BCKDHB: variants seen among roughly 807,000 people sequenced by gnomAD.
BCKDHB encodes the protein branched chain keto acid dehydrogenase E1 subunit beta, also known as 2-oxoisovalerate dehydrogenase subunit beta, mitochondrial.
In BCKDHB, 41 loss-of-function variants were observed where a neutral mutation model predicts 48.5. The ratio of observed to expected loss-of-function variants is 0.85; its 90% CI spans 0.66 to 1.10. The LOEUF is 1.10. Among genes scored for constraint, BCKDHB ranks in the 50% least tolerant of loss-of-function variants. The pLI is 0.00. For missense variants in BCKDHB, 496 were observed against 494.2 expected (o/e 1.00, Z -0.03); for synonymous variants, 201 against 174.8 (o/e 1.15, Z -1.18).
At chr6:80,430,269 G>A in the BCKDHB span, among the ~76,000 whole-genome samples, 1 of 152,156 alleles carries the variant, frequency 6.6e-6, no homozygotes, top group Non-Finnish European at 1.5e-5. Flanking sequence ...CAGTTTCCCA[G>A]TATTTTATTG....
chr6:80,419,848 TG>T, the BCKDHB span, among the ~76,000 whole-genome samples: 1 of 152,342 alleles, frequency 6.6e-6, no homozygotes, highest in Middle Eastern at 3.4e-3. Context: ...TTTTTCTTTT[TG>T]TTCCTTTGAA....
At chr6:80,198,777 A>G (rs1431750626) in intron 6 of BCKDHB, among the ~76,000 whole-genome samples, 1 of 152,230 alleles carries the variant, frequency 6.6e-6, no homozygotes, top group Non-Finnish European at 1.5e-5. Context: ...ATCTGAATAG[A>G]TATGGAATCA....
chr6:80,397,047 G>T, the BCKDHB span, among the ~76,000 whole-genome samples: 3 of 152,018 alleles, frequency 2.0e-5, no homozygotes, highest in African/African-American at 7.2e-5. Context: ...TGCACCCCCC[G>T]CTTACCTGTG....
intron 8 of BCKDHB, among the ~76,000 whole-genome samples, chr6:80,272,846 G>C (rs1021700436): frequency 6.6e-6 from 1 of 152,000 alleles, no homozygotes; most frequent in East Asian, 1.9e-4. Flanking sequence ...TAACACAAAC[G>C]TATCTTACAA....
chr6:80,162,100 G>T (rs1024753347), intron 3 of BCKDHB, among the ~76,000 whole-genome samples: 1 of 152,190 alleles, frequency 6.6e-6, no homozygotes, highest in African/African-American at 2.4e-5. Flanking sequence ...TAAGTTCAAG[G>T]CTGGGAAGTT....
At chr6:80,272,189 G>C (rs754710813) in intron 8 of BCKDHB, among the ~76,000 whole-genome samples, 2 of 152,140 alleles carry the variant, frequency 1.3e-5, no homozygotes, top group Non-Finnish European at 2.9e-5. Context: ...ACATATGCTA[G>C]CTGAAACTGC....
rs908123928 is a variant in BCKDHB at position 80,148,661 on chromosome 6, C to T, written c.344-19017C>T. ...CCAAAATAAAGCTCTGATCATAACACTTCTTTGCTTAAAATCTTCTCAGTG... is the reference window on the plus strand; with the variant it reads ...CCAAAATAAAGCTCTGATCATAACATTTCTTTGCTTAAAATCTTCTCAGTG... On this transcript the variant is annotated intron_variant, in intron 3 of 9. Coordinates refer to ENST00000320393, the MANE Select transcript of BCKDHB (RefSeq NM_183050.4). Among the ~76,000 whole-genome samples, 5 of 152,236 alleles carry T rather than the reference C, an allele frequency of 3.3e-5. No homozygotes were observed. The East Asian group carries it at 7.7e-4, about 24-fold the overall frequency.
Position 80,244,147 on chromosome 6 carries a change from A to G in BCKDHB, c.952-28988A>G, listed in dbSNP as rs536313758. Among the ~76,000 whole-genome samples, 4 of 152,332 alleles carry G rather than the reference A, an allele frequency of 2.6e-5. No homozygotes were observed. In the South Asian group the frequency reaches 6.2e-4, roughly 24 times the overall value. On this transcript the variant is annotated intron_variant, in intron 8 of 9. Transcript: ENST00000320393. ...GGAAACATGTTAAGTATTGATGTGT[A>G]GGAAAGACTGAGGTGTTTGATGACA...
chr6:80,444,936 C>T, the BCKDHB span, among the ~76,000 whole-genome samples: 1 of 152,112 alleles, frequency 6.6e-6, no homozygotes, highest in South Asian at 2.1e-4. Context: ...TTTTTCTTTC[C>T]TTCCTGATAC....
Position 80,346,100 on chromosome 6 carries a change from A to G in BCKDHB, c.*2296A>G, listed in dbSNP as rs1203653801. The G allele has an allele frequency of 6.6e-6, 1 of 152,158 alleles. No individual in the cohort carries two copies. The highest frequency in any genetic ancestry group is 2.4e-5 in the African/African-American group (1 of 41,448). The allele number at this position is 152,158 out of a possible 1,614,324, so 9.4% of individuals were successfully genotyped here. On this transcript the variant is annotated 3_prime_UTR_variant, in exon 10 of 10. Transcript: ENST00000320393. ...GTGAACCATCACGATATTGGCTGAAAAGTTCTACATTCTATTATTGTATTG... is the reference window on the plus strand; with the variant it reads ...GTGAACCATCACGATATTGGCTGAAGAGTTCTACATTCTATTATTGTATTG...
chr6:80,191,358 T>A (rs1291958372), intron 6 of BCKDHB, among the ~76,000 whole-genome samples: 1 of 152,192 alleles, frequency 6.6e-6, no homozygotes, highest in Non-Finnish European at 1.5e-5. Context: ...AGGAAGTCAG[T>A]GGACACAGCT....
chr6:80,213,336 A>G (rs1402384200), intron 8 of BCKDHB, among the ~76,000 whole-genome samples: 1 of 152,194 alleles, frequency 6.6e-6, no homozygotes, highest in Admixed American at 6.5e-5. Context: ...TTGAATTCTT[A>G]TTAGAATAGG....
At chr6:80,379,176 A>G in the BCKDHB span, among the ~76,000 whole-genome samples, 1 of 152,034 alleles carries the variant, frequency 6.6e-6, no homozygotes, top group Non-Finnish European at 1.5e-5. Flanking sequence ...CAAATGCAAA[A>G]GCAAATATCC....
At chr6:80,404,079 A>G in the BCKDHB span, among the ~76,000 whole-genome samples, 1 of 151,958 alleles carries the variant, frequency 6.6e-6, no homozygotes, top group South Asian at 2.1e-4. Flanking sequence ...TATCAGGGCA[A>G]TGCTGGCCTT....
At chr6:80,399,645 A>G in the BCKDHB span, among the ~76,000 whole-genome samples, 1 of 152,194 alleles carries the variant, frequency 6.6e-6, no homozygotes, top group African/African-American at 2.4e-5. Flanking sequence ...AGGAAGAATC[A>G]TTATCATTAT....
chr6:80,156,926 A>AT (rs1018851689), intron 3 of BCKDHB, among the ~76,000 whole-genome samples: 1 of 152,122 alleles, frequency 6.6e-6, no homozygotes, highest in African/African-American at 2.4e-5. Flanking sequence ...TAATTTATAA[A>AT]TTTGTTTTGG....
At chr6:80,371,682 G>A in the BCKDHB span, among the ~76,000 whole-genome samples, 5 of 152,084 alleles carry the variant, frequency 3.3e-5, no homozygotes, top group Admixed American at 2.0e-4. Flanking sequence ...TATGGATCCA[G>A]TTTCATTCTT....
intron 3 of BCKDHB, among the ~76,000 whole-genome samples, chr6:80,151,678 C>T (rs540968161): frequency 3.9e-5 from 6 of 152,224 alleles, no homozygotes; most frequent in African/African-American, 9.6e-5. Context: ...TAATGTCAAC[C>T]TTCTCTTGTT....
the BCKDHB span, among the ~76,000 whole-genome samples, chr6:80,398,723 C>G: frequency 6.6e-6 from 1 of 151,490 alleles, no homozygotes; most frequent in Non-Finnish European, 1.5e-5. Context: ...AGGGATGACT[C>G]CTACCCAACT....
Sources: allele counts gnomAD v4.1 joint callset (sites outside exome capture counted in the v4.1 genomes callset), GRCh38; gene constraint gnomAD v4.1.1; transcripts MANE v1.5; gene names NCBI Gene and HGNC (gene_info 2026-07-23, HGNC 2026-07-21).